The following CMSS1 variants were observed in gnomAD, a reference collection of about 807,000 sequenced individuals.
CMSS1 encodes protein CMSS1.
Under a neutral mutation model 43.5 loss-of-function variants are expected in CMSS1, and 33 were observed. The observed-to-expected ratio is 0.76, with a 90% CI of 0.57 to 1.01. The LOEUF is 1.01. Among genes scored for constraint, CMSS1 ranks in the 50% least tolerant of loss-of-function variants. The probability of loss-of-function intolerance (pLI) is 0.00; values close to 1 mark genes in which losing one functional copy is unlikely to be tolerated. For synonymous variants in CMSS1, 115 were observed against 117.2 expected, an observed-to-expected ratio of 0.98 and a Z score of 0.12; for missense variants, 313 against 326.4, an observed-to-expected ratio of 0.96 and a Z score of 0.32.
Position 99,876,351 on chromosome 3 carries a change from C to G in CMSS1, c.64+58308C>G, listed in dbSNP as rs537191766. 1.0e-5 allele frequency: 4 copies of G among 397,272 alleles called. No individual in the cohort carries two copies. The South Asian group carries it at 4.1e-4, about 41-fold the overall frequency. 24.6% of individuals were successfully genotyped at this position (397,272 alleles called of 1,614,324 possible). ...GGATGTTCCGGCCGTGTGAACGGAC[C>G]GTGGTTCCCGGCTCCCAGCGGAGGG... is the stretch of plus-strand genomic sequence containing the variant. On this transcript the variant is annotated intron_variant, in intron 1 of 9. Transcript: ENST00000421999.
At chr3:100,073,275 C>T (rs1244729413) in intron 1 of CMSS1, among the ~76,000 whole-genome samples, 1 of 152,132 alleles carries the variant, frequency 6.6e-6, no homozygotes, top group African/African-American at 2.4e-5. Context: ...TATTTTCATC[C>T]TACAACAGAA....
Position 100,045,518 on chromosome 3 carries a change from C to T in CMSS1, c.65-101455C>T, listed in dbSNP as rs564452920. On this transcript the variant is annotated intron_variant, in intron 1 of 9. Transcript: ENST00000421999. Reference sequence around the variant, plus strand: ...TAATTTTTAATTCCCAGGCATCCCTCCTCTCGCAAACACCTCCTATAATTC... The same window carrying T: ...TAATTTTTAATTCCCAGGCATCCCTTCTCTCGCAAACACCTCCTATAATTC... 2.1e-3 allele frequency among the ~76,000 whole-genome samples: 320 copies of T among 152,172 alleles called. 1 individual carries two copies. The highest frequency in any genetic ancestry group is 3.9e-3 in the Non-Finnish European group (266 of 68,014).
intron 1 of CMSS1, among the ~76,000 whole-genome samples, chr3:100,129,165 C>T (rs981872838): frequency 6.6e-6 from 1 of 152,202 alleles, no homozygotes; most frequent in African/African-American, 2.4e-5. Context: ...TGCTTATACA[C>T]ATGTCTGTCT....
chr3:100,110,212 C>T (rs2066467597), intron 1 of CMSS1, among the ~76,000 whole-genome samples: 1 of 152,108 alleles, frequency 6.6e-6, no homozygotes, highest in African/African-American at 2.4e-5. Context: ...ACCCCACATG[C>T]TCCCTGATCA....
intron 1 of CMSS1, among the ~76,000 whole-genome samples, chr3:99,975,743 T>G (rs141543472): frequency 2.0e-5 from 3 of 152,328 alleles, no homozygotes; most frequent in African/African-American, 7.2e-5. Context: ...TATATACTCA[T>G]ATCAAGGTCA....
intron 3 of CMSS1, 23 bp downstream of exon 3, chr3:100,160,524 T>G: frequency 3.4e-6 from 4 of 1,166,846 alleles, no homozygotes; most frequent in Non-Finnish European, 5.1e-6. Context: ...ATTTCTTAAA[T>G]TTGTATGGCC....
chr3:99,987,332 C>T (rs1709371372), intron 1 of CMSS1, among the ~76,000 whole-genome samples: 1 of 151,498 alleles, frequency 6.6e-6, no homozygotes. Context: ...AGTTCAAGAC[C>T]AGCTTGGGCA....
chr3:100,001,169 G>A (rs1349415732), intron 1 of CMSS1, among the ~76,000 whole-genome samples: 2 of 152,196 alleles, frequency 1.3e-5, no homozygotes, highest in Non-Finnish European at 2.9e-5. Flanking sequence ...AAATTTAGTA[G>A]TAGTAGCCAT....
intron 1 of CMSS1, among the ~76,000 whole-genome samples, chr3:100,108,395 C>T (rs1323207046): frequency 2.6e-5 from 4 of 152,142 alleles, no homozygotes; most frequent in Admixed American, 2.6e-4. Context: ...TTATTACTTA[C>T]CAAGGCAGGT....
chr3:99,983,422 A>ATATATATATATATATATATG (rs1559713456), intron 1 of CMSS1, among the ~76,000 whole-genome samples: 5 of 86,926 alleles, frequency 5.8e-5, no homozygotes, highest in Admixed American at 2.6e-4. Context: ...ATATATATGT[A>ATATATATATATATATATATG]TGTATGTATG....
chr3:99,983,424 GTATGTATGTATATA>G lies in CMSS1; in HGVS notation c.65-163531_65-163518del, dbSNP rs1709203447. 1.1e-4 allele frequency among the ~76,000 whole-genome samples: 6 copies of G among 54,406 alleles called. 1 individual carries two copies. The highest frequency in any genetic ancestry group is 3.7e-4 in the East Asian group (1 of 2,716). The allele number at this position is 54,406 out of a possible 152,430, so 35.7% of individuals were successfully genotyped here. A position where few individuals can be genotyped will look rare whatever the true frequency, so the allele number is the denominator to read the frequency against. On this transcript the variant is annotated intron_variant, in intron 1 of 9. Transcript: ENST00000421999. ...TATATATATATATATATATATGTAT[GTATGTATGTATATA>G]TATGTATGTATATATATATATGTGT... is the stretch of plus-strand genomic sequence containing the variant.
intron 1 of CMSS1, among the ~76,000 whole-genome samples, chr3:100,056,398 C>T (rs1183432329): frequency 2.0e-5 from 3 of 152,172 alleles, no homozygotes; most frequent in Non-Finnish European, 4.4e-5. Flanking sequence ...CCTAGAAATA[C>T]TTATTTTAAA....
At chr3:99,849,740 C>T (rs765805139) in intron 1 of CMSS1, 1 of 1,613,794 alleles carries the variant, frequency 6.2e-7, no homozygotes, top group South Asian at 1.1e-5. Context: ...AGGTCATCCT[C>T]AATGGCTTTC....
chr3:99,853,335 A>G (rs1223928528), intron 1 of CMSS1, among the ~76,000 whole-genome samples: 1 of 152,248 alleles, frequency 6.6e-6, no homozygotes, highest in Non-Finnish European at 1.5e-5. Context: ...TTACAGTTTT[A>G]TTAGAGAACA....
chr3:100,178,267 GA>G, intron 9 of CMSS1, 37 bp from the exon 10 acceptor site: 1 of 1,372,852 alleles, frequency 7.3e-7, no homozygotes, highest in East Asian at 2.3e-5. Context: ...ATTTTGGCTT[GA>G]TCTTAATCTT....
At position 99,986,054 on chromosome 3, in the gene CMSS1, A is replaced by G. The variant is rs377582948; in HGVS notation, c.65-160919A>G. 3.9e-5 allele frequency among the ~76,000 whole-genome samples: 6 copies of G among 152,366 alleles called. No homozygotes were observed. The East Asian group carries it at 7.7e-4, about 20-fold the overall frequency. On this transcript the variant is annotated intron_variant, in intron 1 of 9. Coordinates refer to ENST00000421999, the MANE Select transcript of CMSS1 (RefSeq NM_032359.4). ...CAAGTCAACAGCAAGAAGTTTATTC[A>G]CAGATAAATTAATGTCTATAAGATA...
chr3:100,162,431 A>G lies in CMSS1; in HGVS notation c.354A>G (p.Pro118=), dbSNP rs577018520. 1 of 1,608,522 alleles carries G rather than the reference A, an allele frequency of 6.2e-7. No individual in the cohort carries two copies. Among genetic ancestry groups the G allele is most frequent in the Non-Finnish European group, 8.5e-7 (1 of 1,177,688 alleles). ...LVIELEELNL[P]DSCFLKANDL... is the part of the protein sequence containing the mutation. The stretch of plus-strand genomic sequence containing the variant: ...TTGAATTAGAAGAACTGAACCTGCC[A>G]GGTATAGCCAAGCTTCAATTTTCCT... Residue 118 remains proline, a splice_region_variant and synonymous_variant, in exon 4 of 10, where the codon CCA becomes CCG. Transcript: ENST00000421999.
chr3:100,012,955 A>G (rs1009505210), intron 1 of CMSS1, among the ~76,000 whole-genome samples: 3 of 151,610 alleles, frequency 2.0e-5, no homozygotes, highest in Non-Finnish European at 2.9e-5. Context: ...TATTTTATGT[A>G]TGTATGTATT....
intron 8 of CMSS1, among the ~76,000 whole-genome samples, chr3:100,173,539 A>T (rs925453952): frequency 6.6e-6 from 1 of 152,318 alleles, no homozygotes; most frequent in South Asian, 2.1e-4. Flanking sequence ...GATCGATAGC[A>T]TGAGGCAGTA....
Sources: allele counts gnomAD v4.1 joint callset (sites outside exome capture counted in the v4.1 genomes callset), GRCh38; gene constraint gnomAD v4.1.1; transcripts MANE v1.5; gene names NCBI Gene and HGNC (gene_info 2026-07-23, HGNC 2026-07-21).